Variants in PLCB1 observed in about 807,000 individuals in gnomAD.
PLCB1 encodes 1-phosphatidylinositol 4,5-bisphosphate phosphodiesterase beta-1.
Under a neutral mutation model 161.8 loss-of-function variants are expected in PLCB1, and 46 were observed. The ratio of observed to expected loss-of-function variants is 0.28; its 90% CI spans 0.22 to 0.36. The LOEUF is 0.36. Among genes scored for constraint, PLCB1 ranks in the 10% least tolerant of loss-of-function variants. PLCB1 has a pLI of 1.00. For synonymous variants in PLCB1, 517 were observed against 503.7 expected, an observed-to-expected ratio of 1.03 and a Z score of -0.35; for missense variants, 1,016 against 1,472.5, an observed-to-expected ratio of 0.69 and a Z score of 5.07.
intron 3 of PLCB1, among the ~76,000 whole-genome samples, chr20:8,421,553 C>G (rs942273400): frequency 1.3e-5 from 2 of 152,240 alleles, no homozygotes; most frequent in Admixed American, 1.3e-4. Flanking sequence ...TCATAATGCT[C>G]TCTTGAAGAG....
chr20:8,205,513 GA>G (rs1555790062), intron 2 of PLCB1, among the ~76,000 whole-genome samples: 4 of 151,810 alleles, frequency 2.6e-5, no homozygotes, highest in African/African-American at 7.3e-5. Flanking sequence ...TAAATTCCAA[GA>G]AAAAAATAAG....
chr20:8,504,828 G>A (rs571833283), intron 3 of PLCB1, among the ~76,000 whole-genome samples: 19 of 152,246 alleles, frequency 1.2e-4, no homozygotes, highest in Admixed American at 1.0e-3. Flanking sequence ...ATGGACAGTC[G>A]TGCTCTTTTG....
intron 3 of PLCB1, among the ~76,000 whole-genome samples, chr20:8,541,395 A>AG (rs1398798043): frequency 6.6e-6 from 1 of 152,160 alleles, no homozygotes; most frequent in Admixed American, 6.5e-5. Context: ...ACTTGCAAAG[A>AG]GGAGTTGTCA....
At chr20:8,236,526 C>G (rs1410001042) in intron 2 of PLCB1, among the ~76,000 whole-genome samples, 1 of 151,750 alleles carries the variant, frequency 6.6e-6, no homozygotes, top group African/African-American at 2.4e-5. Flanking sequence ...GAACAAGACC[C>G]CATCTCAAAA....
rs529700165 is a variant in PLCB1 at position 8,225,863 on chromosome 20, GT to G, written c.177+75495del. 9.8e-5 allele frequency among the ~76,000 whole-genome samples: 15 copies of G among 152,304 alleles called. No individual in the cohort carries two copies. In the East Asian group the frequency reaches 2.9e-3, roughly 29 times the overall value. ...TTGTTTAAATGATTTTTCATTTCAA[GT>G]TTATCTTTGTTTAAGCTGACCACAG... On this transcript the variant is annotated intron_variant, in intron 2 of 31. Transcript: ENST00000338037.
chr20:8,779,474 T>C (rs1983101082), intron 27 of PLCB1, among the ~76,000 whole-genome samples: 1 of 129,472 alleles, frequency 7.7e-6, no homozygotes, highest in Admixed American at 9.4e-5. Flanking sequence ...AGATGTAAAA[T>C]GCACACCAAG....
At chr20:8,257,471 A>C (rs1050169025) in intron 2 of PLCB1, among the ~76,000 whole-genome samples, 10 of 152,168 alleles carry the variant, frequency 6.6e-5, no homozygotes, top group African/African-American at 2.4e-4. Context: ...AATGAGAGAG[A>C]TAATATTACA....
At chr20:8,752,350 C>T (rs2062820924) in intron 23 of PLCB1, 1 of 152,158 alleles carries the variant, frequency 6.6e-6, no homozygotes, top group Non-Finnish European at 1.5e-5. Flanking sequence ...TTAATAACAC[C>T]TCCGATTATT....
At chr20:8,634,147 G>T (rs1231558966) in intron 4 of PLCB1, among the ~76,000 whole-genome samples, 2 of 152,090 alleles carry the variant, frequency 1.3e-5, no homozygotes, top group African/African-American at 4.8e-5. Flanking sequence ...GATAGATACT[G>T]TCCTTTTCTC....
At chr20:8,580,605 A>C (rs1349362152) in intron 3 of PLCB1, among the ~76,000 whole-genome samples, 1 of 152,258 alleles carries the variant, frequency 6.6e-6, no homozygotes, top group Non-Finnish European at 1.5e-5. Context: ...AATAGAAGGC[A>C]ATGTGAACTT....
intron 3 of PLCB1, among the ~76,000 whole-genome samples, chr20:8,533,004 C>G: frequency 7.8e-6 from 1 of 127,466 alleles, no homozygotes; most frequent in Non-Finnish European, 1.6e-5. Flanking sequence ...CTAATGCTAT[C>G]CCTCCCCCCT....
chr20:8,772,632 T>C (rs1982746771), intron 26 of PLCB1, among the ~76,000 whole-genome samples: 2 of 152,190 alleles, frequency 1.3e-5, no homozygotes, highest in African/African-American at 2.4e-5. Flanking sequence ...AATGATTTCC[T>C]GCTATATAAG....
At chr20:8,290,712 C>T (rs1983347425) in intron 2 of PLCB1, among the ~76,000 whole-genome samples, 2 of 152,076 alleles carry the variant, frequency 1.3e-5, no homozygotes, top group South Asian at 4.1e-4. Context: ...ATAAACTGTG[C>T]TGCTTTGACC....
chr20:8,479,230 G>T (rs1982401927), intron 3 of PLCB1, among the ~76,000 whole-genome samples: 1 of 152,006 alleles, frequency 6.6e-6, no homozygotes, highest in Admixed American at 6.6e-5. Context: ...TTATAGAATA[G>T]GTGCAAGCCA....
chr20:8,644,668 T>A (rs1237091937), intron 4 of PLCB1, among the ~76,000 whole-genome samples: 1 of 149,338 alleles, frequency 6.7e-6, no homozygotes, highest in East Asian at 2.0e-4. Context: ...GTGAGGAGCG[T>A]CTCCGCCCGG....
chr20:8,786,691 G>T (rs1312247704), intron 27 of PLCB1, among the ~76,000 whole-genome samples: 13 of 141,470 alleles, frequency 9.2e-5, no homozygotes, highest in East Asian at 4.2e-4. Context: ...AATCTTTTTT[G>T]TTTTTTTTTT....
chr20:8,670,723 T>C (rs1278417634), intron 9 of PLCB1, among the ~76,000 whole-genome samples: 1 of 152,184 alleles, frequency 6.6e-6, no homozygotes, highest in African/African-American at 2.4e-5. Context: ...CACAGTTAGC[T>C]GGCCAGTGTG....
intron 2 of PLCB1, among the ~76,000 whole-genome samples, chr20:8,226,968 T>C (rs1979727548): frequency 6.6e-6 from 1 of 152,216 alleles, no homozygotes. Context: ...ATTACAGGCA[T>C]GAGCCACCGC....
rs112942128 is a variant in PLCB1 at position 8,614,662 on chromosome 20, A to G, written c.247-13632A>G. On this transcript the variant is annotated intron_variant, in intron 3 of 31. Transcript: ENST00000338037. ...GAAATGTCTACAACTGCACCATTCA[A>G]CTTGGTAGACACTGGCCTCATGTTG... 7.0e-3 allele frequency among the ~76,000 whole-genome samples: 1,065 copies of G among 151,072 alleles called. 16 individuals are homozygous for G. Among genetic ancestry groups the G allele is most frequent in the African/African-American group, 0.025 (1,015 of 41,104 alleles).
Sources: gnomAD v4.1 joint callset for allele counts (sites outside exome capture counted in the v4.1 genomes callset) on GRCh38, gnomAD v4.1.1 for gene constraint, MANE v1.5 for transcripts, NCBI Gene and HGNC (gene_info 2026-07-23, HGNC 2026-07-21) for gene names.